The following ZBTB8B variants were observed in gnomAD, a reference collection of about 807,000 sequenced individuals.
The protein encoded by ZBTB8B is zinc finger and BTB domain-containing protein 8B.
Under a neutral mutation model 30.3 loss-of-function variants are expected in ZBTB8B, and 17 were observed. That is an observed-to-expected ratio of 0.56 (90% CI 0.38 to 0.84). The LOEUF is 0.84. Ranked by LOEUF, ZBTB8B falls within the 40% of genes least tolerant of loss-of-function variation. ZBTB8B has a pLI of 0.00. For missense variants in ZBTB8B, 515 were observed against 644.9 expected (o/e 0.80, Z 2.18); for synonymous variants, 248 against 255.6 (o/e 0.97, Z 0.28).
intron 3 of ZBTB8B, among the ~76,000 whole-genome samples, chr1:32,481,916 T>C (rs1464472145): frequency 6.6e-6 from 1 of 152,216 alleles, no homozygotes. Flanking sequence ...GCTCTATCCA[T>C]GTTCCCACAA....
rs1643809143 is a variant in ZBTB8B, at chr1:32,495,193, GCC to G, written c.*9777_*9778del. On this transcript the variant is annotated 3_prime_UTR_variant, in exon 4 of 4. Coordinates refer to ENST00000609129, the MANE Select transcript of ZBTB8B (RefSeq NM_001145720.2). ...AAAACCACATATTTTTAAGTCAGCAGCCCACATGATAAGATGGTATTGAGTAA... is the reference window on the plus strand; with the variant it reads ...AAAACCACATATTTTTAAGTCAGCAGCACATGATAAGATGGTATTGAGTAA... 6.6e-6 allele frequency: 1 copy of G among 152,146 alleles called. No homozygotes were observed. The highest frequency in any genetic ancestry group is 1.5e-5 in the Non-Finnish European group (1 of 68,020). The allele number at this position is 152,146 out of a possible 1,614,324, so 9.4% of individuals were successfully genotyped here. A position where few individuals can be genotyped will look rare whatever the true frequency, so the allele number is the denominator to read the frequency against.
At position 32,485,468 on chromosome 1, in the gene ZBTB8B, C is replaced by A; in HGVS notation, c.*50C>A. 1 of 1,509,692 alleles carries A rather than the reference C, an allele frequency of 6.6e-7. No homozygotes were observed. Among genetic ancestry groups the A allele is most frequent in the Admixed American group, 2.0e-5 (1 of 49,246 alleles). The allele number at this position is 1,509,692 out of a possible 1,614,324, so 93.5% of individuals were successfully genotyped here. On this transcript the variant is annotated 3_prime_UTR_variant, in exon 4 of 4. Coordinates refer to ENST00000609129, the MANE Select transcript of ZBTB8B (RefSeq NM_001145720.2). ...GTTTTAAAACTTGTTAGTGCTCGTTCTGTTGTTGAAAGATACCATTTGTCC... is the reference window on the plus strand; with the variant it reads ...GTTTTAAAACTTGTTAGTGCTCGTTATGTTGTTGAAAGATACCATTTGTCC...
Position 32,471,331 on chromosome 1 carries a change from A to G in ZBTB8B, c.707A>G (p.Asp236Gly), listed in dbSNP as rs1643618926. The G allele has an allele frequency of 1.3e-6, 2 of 1,551,668 alleles. No homozygotes were observed. Among genetic ancestry groups the G allele is most frequent in the South Asian group, 1.2e-5 (1 of 84,070 alleles). ...RIEPKVEFDADEVEVDVGEQL... is the reference protein window; with the variant it reads ...RIEPKVEFDAGEVEVDVGEQL... ...GAGCCCAAGGTGGAATTTGATGCTG[A>G]TGAAGTGGAGGTGGACGTTGGTGAA... The change falls in exon 2 of 4, where the codon GAT becomes GGT. Residue 236 changes from aspartate (D) to glycine (G), a missense_variant. By Grantham distance (94) the Asp-to-Gly change is moderately conservative (BLOSUM62 -1). Transcript: ENST00000609129.
In ZBTB8B at chr1:32,471,018, G is replaced by T; in HGVS notation, c.394G>T (p.Ala132Ser). ...CATTTGCCGAAAGATGGAGAAGGAGGCTGCTGTGGCTGCAGCAGTGGCGGC... is the reference window on the plus strand; with the variant it reads ...CATTTGCCGAAAGATGGAGAAGGAGTCTGCTGTGGCTGCAGCAGTGGCGGC... ...LDICRKMEKE[A>S]AVAAAVAAAA... Residue 132 changes from alanine (A) to serine (S), a missense_variant, in exon 2 of 4, where the codon GCT (alanine) becomes TCT (serine). By Grantham distance (99) the Ala-to-Ser change is moderately conservative (BLOSUM62 1). Transcript: ENST00000609129. 2 of 1,551,814 alleles carry T rather than the reference G, an allele frequency of 1.3e-6. No homozygotes were observed. Among genetic ancestry groups the T allele is most frequent in the Non-Finnish European group, 1.7e-6 (2 of 1,147,048 alleles).
intron 1 of ZBTB8B, among the ~76,000 whole-genome samples, chr1:32,466,111 C>T (rs981639551): frequency 3.9e-5 from 6 of 152,150 alleles, no homozygotes; most frequent in Admixed American, 2.6e-4. Context: ...AGGAATAGTG[C>T]TTAATATTTA....
In ZBTB8B at chr1:32,470,885, G is replaced by T; in HGVS notation, c.261G>T (p.Lys87Asn). 1 of 1,552,058 alleles carries T rather than the reference G, an allele frequency of 6.4e-7. No homozygotes were observed. Among genetic ancestry groups the T allele is most frequent in the Non-Finnish European group, 8.7e-7 (1 of 1,147,070 alleles). Reference sequence around the variant, plus strand: ...TCTTAGATTTCCTCTATTCTGGGAAGTTGGATTTGTGTGGGGAGAATGTGA... The same window carrying T: ...TCTTAGATTTCCTCTATTCTGGGAATTTGGATTTGTGTGGGGAGAATGTGA... ...SIILDFLYSG[K>N]LDLCGENVIE... Residue 87 changes from lysine (K) to asparagine (N), a missense_variant, in exon 2 of 4, where the codon AAG becomes AAT. Lys to Asn is a moderately conservative substitution (Grantham distance 94). Transcript: ENST00000609129.
In ZBTB8B at chr1:32,471,504, G is replaced by A. The variant is rs747075780; in HGVS notation, c.880G>A (p.Asp294Asn). The A allele has an allele frequency of 6.4e-6, 10 of 1,551,840 alleles. No individual in the cohort carries two copies. The East Asian group carries it at 1.2e-4, about 19-fold the overall frequency. Residue 294 changes from aspartate to asparagine, a missense_variant, in exon 2 of 4, where the codon GAT becomes AAT. Around this residue, in one of 3 missense-constraint regions of ZBTB8B, gnomAD observed 429 missense variants for 504.3 expected, o/e 0.85. Coordinates refer to ENST00000609129, the MANE Select transcript of ZBTB8B (RefSeq NM_001145720.2). ...LLRNSAAPSK[D>N]DADHHFSRSL... ...GCGCAACAGCGCTGCCCCGAGCAAG[G>A]ATGATGCAGACCATCACTTTTCTAG...
chr1:32,475,056 G>A (rs1222603290), intron 2 of ZBTB8B, among the ~76,000 whole-genome samples: 1 of 152,246 alleles, frequency 6.6e-6, no homozygotes, highest in Non-Finnish European at 1.5e-5. Context: ...TTGTGGTGTG[G>A]CAAGGCAGCT....
Position 32,490,482 on chromosome 1 carries a change from C to A in ZBTB8B, c.*5064C>A, listed in dbSNP as rs567353850. 4 of 152,334 alleles carry A rather than the reference C, an allele frequency of 2.6e-5. No individual in the cohort carries two copies. The East Asian group carries it at 5.8e-4, about 22-fold the overall frequency. The allele number at this position is 152,334 out of a possible 1,614,324, so 9.4% of individuals were successfully genotyped here. ...CATTGTAGTGCTGGAAATTTGAATT[C>A]TTTTCTTCAAATGATGTTTCTGTAG... On this transcript the variant is annotated 3_prime_UTR_variant, in exon 4 of 4. Transcript: ENST00000609129.
rs571004662 is a variant in ZBTB8B, at chr1:32,484,614, G to A, written c.1171-487G>A. 2.6e-5 allele frequency among the ~76,000 whole-genome samples: 4 copies of A among 152,240 alleles called. No individual in the cohort carries two copies. In the South Asian group the frequency reaches 6.2e-4, roughly 24 times the overall value. The stretch of plus-strand genomic sequence containing the variant: ...TGTAATCCCTAATGCTGGAAGTGGG[G>A]CCTGGTGGGAGGTGGTTGCATCATG... On this transcript the variant is annotated intron_variant, in intron 3 of 3. Coordinates refer to ENST00000609129, the MANE Select transcript of ZBTB8B (RefSeq NM_001145720.2). The surrounding 1 kb of genome is among the most constrained non-coding windows in gnomAD (Gnocchi z 4.5).
rs1553170368 is a variant in ZBTB8B, at chr1:32,470,513, A to AAAAAG, written c.-41-67_-41-66insGAAAA. 7.9e-4 allele frequency: 858 copies of AAAAAG among 1,091,276 alleles called. 8 individuals are homozygous for AAAAAG. The East Asian group carries it at 0.019, about 24-fold the overall frequency. 67.6% of individuals were successfully genotyped at this position (1,091,276 alleles called of 1,614,324 possible). On this transcript the variant is annotated intron_variant, in intron 1 of 3. Transcript: ENST00000609129. Reference sequence around the variant, plus strand: ...AGACGCTGACTCAAAAAAAAAAAAAAAAAAAAAAAAAAAGAAATCTTGTTT... The same window carrying AAAAAG: ...AGACGCTGACTCAAAAAAAAAAAAAAAAAAGAAAAAAAAAAAAAGAAATCTTGTTT...
Position 32,496,263 on chromosome 1 carries a change from T to C in ZBTB8B, c.*10845T>C, listed in dbSNP as rs1454899777. On this transcript the variant is annotated 3_prime_UTR_variant, in exon 4 of 4. Coordinates refer to ENST00000609129, the MANE Select transcript of ZBTB8B (RefSeq NM_001145720.2). Reference sequence around the variant, plus strand: ...GATGAATGGGTAATTGATGATGCAATGTATGAAAAAAGTAAGGCAGACAAC... The same window carrying C: ...GATGAATGGGTAATTGATGATGCAACGTATGAAAAAAGTAAGGCAGACAAC... The C allele has an allele frequency of 2.6e-5, 4 of 152,280 alleles. No homozygotes were observed. Among genetic ancestry groups the C allele is most frequent in the South Asian group, 4.1e-4 (2 of 4,830 alleles). 9.4% of individuals were successfully genotyped at this position (152,280 alleles called of 1,614,324 possible).
chr1:32,482,290 T>A (rs901403071), intron 3 of ZBTB8B, among the ~76,000 whole-genome samples: 2 of 151,108 alleles, frequency 1.3e-5, no homozygotes, highest in Non-Finnish European at 2.9e-5. Context: ...TGAGCCACCA[T>A]GTGCAGTTAT....
Position 32,465,566 on chromosome 1 carries a change from G to A in ZBTB8B, c.-42+461G>A, listed in dbSNP as rs1643564849. 6.6e-6 allele frequency among the ~76,000 whole-genome samples: 1 copy of A among 152,246 alleles called. No homozygotes were observed. ...AGGTCGTCTGATGCTGGACGGGGGA[G>A]GGTCTGTCTTGCGAGCAGTTTAGAT... On this transcript the variant is annotated intron_variant, in intron 1 of 3. Transcript: ENST00000609129. This position sits in a 1 kb window ranked among gnomAD's most constrained non-coding sequence, Gnocchi z 4.1.
Position 32,470,738 on chromosome 1 carries a change from C to T in ZBTB8B, c.114C>T (p.His38=). ...IIVEGRIFKA[H]RNILFANSGY... Reference sequence around the variant, plus strand: ...TGGAAGGGCGGATCTTCAAGGCCCACAGGAACATTTTGTTTGCTAACAGCG... The same window carrying T: ...TGGAAGGGCGGATCTTCAAGGCCCATAGGAACATTTTGTTTGCTAACAGCG... Residue 38 remains histidine (H), a synonymous_variant, in exon 2 of 4, where the codon CAC becomes CAT. Coordinates refer to ENST00000609129, the MANE Select transcript of ZBTB8B (RefSeq NM_001145720.2). 4 of 1,551,820 alleles carry T rather than the reference C, an allele frequency of 2.6e-6. No individual in the cohort carries two copies. Among genetic ancestry groups the T allele is most frequent in the South Asian group, 1.2e-5 (1 of 84,062 alleles).
chr1:32,466,084 T>C (rs1643568357), intron 1 of ZBTB8B, among the ~76,000 whole-genome samples: 1 of 152,164 alleles, frequency 6.6e-6, no homozygotes, highest in Admixed American at 6.5e-5. Context: ...TGCTTGTACT[T>C]TGTACAGTGT....
chr1:32,481,655 AG>A (rs1282371631), intron 3 of ZBTB8B, among the ~76,000 whole-genome samples: 1 of 152,174 alleles, frequency 6.6e-6, no homozygotes, highest in Admixed American at 6.5e-5. Context: ...TTTTAGGTTC[AG>A]GGGTAAACGA....
intron 1 of ZBTB8B, among the ~76,000 whole-genome samples, chr1:32,468,240 C>T (rs545729957): frequency 1.3e-5 from 2 of 152,314 alleles, no homozygotes; most frequent in African/African-American, 4.8e-5. Context: ...TGTCCCCAGG[C>T]TCCATCAGCC....
chr1:32,466,302 C>A (rs1643569917), intron 1 of ZBTB8B, among the ~76,000 whole-genome samples: 2 of 152,270 alleles, frequency 1.3e-5, no homozygotes, highest in Admixed American at 6.5e-5. Flanking sequence ...GTTGTGTTGG[C>A]ATCTGCTGTC....
Sources: allele counts gnomAD v4.1 joint callset (sites outside exome capture counted in the v4.1 genomes callset), GRCh38; gene constraint gnomAD v4.1.1; regional missense constraint gnomAD v4.1.1; non-coding constraint Gnocchi (gnomAD v3.1); transcripts MANE v1.5; gene names NCBI Gene and HGNC (gene_info 2026-07-23, HGNC 2026-07-21).